Variants in ZNF484 observed in about 807,000 individuals in gnomAD.
ZNF484 encodes zinc finger protein 484.
Under a neutral mutation model 12.9 loss-of-function variants are expected in ZNF484, and 11 were observed. That is an observed-to-expected ratio of 0.85 (90% CI 0.54 to 1.41). The LOEUF is 1.41. Among genes scored for constraint, ZNF484 ranks in the 40% most tolerant of loss-of-function variants. ZNF484 has a pLI of 0.00. For missense variants in ZNF484, 807 were observed against 1,007.7 expected (o/e 0.80, Z 2.70); for synonymous variants, 289 against 334.1 (o/e 0.86, Z 1.47).
chr9:92,847,869 A>C lies in ZNF484; in HGVS notation c.918T>G (p.Thr306=). 1 of 1,614,198 alleles carries C rather than the reference A, an allele frequency of 6.2e-7. No individual in the cohort carries two copies. The highest frequency in any genetic ancestry group is 8.5e-7 in the Non-Finnish European group (1 of 1,180,032). ...GSQRVYAGIC[T]EYEKDFSLKS... ...TGAGGGAAAAATCCTTCTCATATTC[A>C]GTGCATATTCCTGCATAAACCCTCT... The change falls in exon 5 of 5, where the codon ACT becomes ACG. Residue 306 remains threonine (T), a synonymous_variant. Coordinates refer to ENST00000375495, the MANE Select transcript of ZNF484 (RefSeq NM_031486.4).
rs1855870619 is a variant in ZNF484, at chr9:92,848,785, G to A, written c.236-234C>T. Among the ~76,000 whole-genome samples, 1 of 152,012 alleles carries A rather than the reference G, an allele frequency of 6.6e-6. No homozygotes were observed. The highest frequency in any genetic ancestry group is 2.4e-5 in the African/African-American group (1 of 41,384). ...TAGCCAGGCGTGGTGGTACATGCCT[G>A]TAATTCCAGCTACTCAAGTGGCTGA... On this transcript the variant is annotated intron_variant, in intron 4 of 4. Transcript: ENST00000375495. The surrounding 1 kb of genome is among the most constrained non-coding windows in gnomAD (Gnocchi z 4.1).
Position 92,847,731 on chromosome 9 carries a change from T to C in ZNF484, c.1056A>G (p.Gly352=), listed in dbSNP as rs763100620. ...DLFRCQRIHS[G]EKPYEYSECE... ...ATTCACTGTACTCATAAGGTTTTTC[T>C]CCAGAATGAATTCTCTGGCATCTGA... The change falls in exon 5 of 5, where the codon GGA becomes GGG. Residue 352 remains glycine, a synonymous_variant. Transcript: ENST00000375495. 3.7e-6 allele frequency: 6 copies of C among 1,613,856 alleles called. No individual in the cohort carries two copies. Among genetic ancestry groups the C allele is most frequent in the Non-Finnish European group, 5.1e-6 (6 of 1,180,036 alleles).
At chr9:92,851,471 G>C (rs1432742780) in intron 4 of ZNF484, among the ~76,000 whole-genome samples, 1 of 152,198 alleles carries the variant, frequency 6.6e-6, no homozygotes, top group Non-Finnish European at 1.5e-5. Flanking sequence ...CTGCTTTGGG[G>C]CTACAACTGC....
At chr9:92,862,799 C>T (rs118025310) in intron 2 of ZNF484, among the ~76,000 whole-genome samples, 4,828 of 152,088 alleles carry the variant, frequency 0.032, 149 homozygotes, top group African/African-American at 0.082. Context: ...GAAATAGGAA[C>T]GCTTTTACAC....
intron 2 of ZNF484, among the ~76,000 whole-genome samples, chr9:92,858,022 T>C (rs935879937): frequency 6.6e-6 from 1 of 152,128 alleles, no homozygotes; most frequent in Non-Finnish European, 1.5e-5. Flanking sequence ...CTCCCAGGTA[T>C]GAGCCCTGCC....
In ZNF484 at chr9:92,847,766, A is replaced by G; in HGVS notation, c.1021T>C (p.Ser341Pro). ...ATTCTCTGGCATCTGAACAGATCTG[A>G]CTTCTGGATAAAGGCTCTTCCATAG... ...SDYGRAFIQK[S>P]DLFRCQRIHS... is the part of the protein sequence containing the mutation. Residue 341 changes from serine to proline, a missense_variant, in exon 5 of 5, where the codon TCA becomes CCA. Transcript: ENST00000375495. 2 of 1,613,940 alleles carry G rather than the reference A, an allele frequency of 1.2e-6. No individual in the cohort carries two copies. Among genetic ancestry groups the G allele is most frequent in the Non-Finnish European group, 1.7e-6 (2 of 1,180,036 alleles).
chr9:92,868,383 G>A (rs1271727837), intron 2 of ZNF484, among the ~76,000 whole-genome samples: 1 of 152,120 alleles, frequency 6.6e-6, no homozygotes, highest in African/African-American at 2.4e-5. Flanking sequence ...TTATTTTCCT[G>A]GCTTCATCAT....
At chr9:92,858,387 A>T (rs572810379) in intron 2 of ZNF484, among the ~76,000 whole-genome samples, 3 of 152,170 alleles carry the variant, frequency 2.0e-5, no homozygotes, top group Admixed American at 6.5e-5. Flanking sequence ...AATATGTGTG[A>T]CATAGTAAAA....
chr9:92,867,201 G>A (rs575530765), intron 2 of ZNF484, among the ~76,000 whole-genome samples: 11 of 152,216 alleles, frequency 7.2e-5, no homozygotes, highest in African/African-American at 1.9e-4. Flanking sequence ...AAAATTAGCC[G>A]GGCACAGTGG....
At position 92,875,064 on chromosome 9, in the gene ZNF484, GA is replaced by G; in HGVS notation, c.-30-6del. On this transcript the variant is annotated splice_region_variant and splice_polypyrimidine_tract_variant and intron_variant, in intron 1 of 4. Coordinates refer to ENST00000375495, the MANE Select transcript of ZNF484 (RefSeq NM_031486.4). ...TTCGGACAAAGGGGCAGAAATCTGAGAAAACAGATGGGTAGAGGTACCCATG... is the reference window on the plus strand; with the variant it reads ...TTCGGACAAAGGGGCAGAAATCTGAGAAACAGATGGGTAGAGGTACCCATG... The G allele has an allele frequency of 6.2e-7, 1 of 1,613,908 alleles. No homozygotes were observed. Among genetic ancestry groups the G allele is most frequent in the Non-Finnish European group, 8.5e-7 (1 of 1,179,916 alleles).
intron 4 of ZNF484, among the ~76,000 whole-genome samples, chr9:92,850,011 AG>A (rs1040710330): frequency 6.6e-6 from 1 of 152,206 alleles, no homozygotes; most frequent in African/African-American, 2.4e-5. Flanking sequence ...CATGTTGGCC[AG>A]GCTGGTCTCA....
intron 4 of ZNF484, among the ~76,000 whole-genome samples, chr9:92,852,733 C>T (rs1290723809): frequency 6.6e-6 from 1 of 151,452 alleles, no homozygotes; most frequent in African/African-American, 2.4e-5. Flanking sequence ...GATGGGGTTT[C>T]GCCATGTTGG....
chr9:92,869,385 A>C (rs959559479), intron 2 of ZNF484, among the ~76,000 whole-genome samples: 1 of 151,978 alleles, frequency 6.6e-6, no homozygotes, highest in Admixed American at 6.6e-5. Flanking sequence ...TAAAATAATC[A>C]TCATAATAAA....
chr9:92,869,040 A>G (rs968333463), intron 2 of ZNF484, among the ~76,000 whole-genome samples: 3 of 152,112 alleles, frequency 2.0e-5, no homozygotes, highest in Admixed American at 6.6e-5. Flanking sequence ...ATCAAATTTC[A>G]GCATGAGATT....
chr9:92,875,011 T>C lies in ZNF484; in HGVS notation c.15+4A>G. On this transcript the variant is annotated splice_donor_region_variant and intron_variant, in intron 2 of 4. Coordinates refer to ENST00000375495, the MANE Select transcript of ZNF484 (RefSeq NM_031486.4). ...AATAAACAGATGAACAAATAAGAAC[T>C]CACCAGGGACTTGGTCATTTTTGGC... 1 of 1,613,876 alleles carries C rather than the reference T, an allele frequency of 6.2e-7. No individual in the cohort carries two copies. Among genetic ancestry groups the C allele is most frequent in the Non-Finnish European group, 8.5e-7 (1 of 1,179,896 alleles).
intron 2 of ZNF484, among the ~76,000 whole-genome samples, chr9:92,865,279 A>T (rs1180945424): frequency 6.6e-6 from 1 of 152,152 alleles, no homozygotes; most frequent in Non-Finnish European, 1.5e-5. Flanking sequence ...GTCTCTATAA[A>T]AAATCAAAAC....
intron 2 of ZNF484, among the ~76,000 whole-genome samples, chr9:92,861,057 G>C (rs1856758301): frequency 6.6e-6 from 1 of 152,152 alleles, no homozygotes; most frequent in South Asian, 2.1e-4. Context: ...TTAGCTTCTG[G>C]GTAGCACAAA....
intron 2 of ZNF484, among the ~76,000 whole-genome samples, chr9:92,867,139 C>T (rs944179788): frequency 1.3e-5 from 2 of 152,182 alleles, no homozygotes; most frequent in East Asian, 1.9e-4. Flanking sequence ...CACCTGAGGT[C>T]GGGAGTTCGA....
chr9:92,854,489 G>A (rs763434571), intron 4 of ZNF484, among the ~76,000 whole-genome samples: 38 of 152,286 alleles, frequency 2.5e-4, no homozygotes, highest in Non-Finnish European at 4.7e-4. Context: ...AGTCCAAGGC[G>A]GGTGGATCAC....
Sources: gnomAD v4.1 joint callset for allele counts (sites outside exome capture counted in the v4.1 genomes callset) on GRCh38, gnomAD v4.1.1 for gene constraint, Gnocchi (gnomAD v3.1) non-coding constraint, MANE v1.5 for transcripts, NCBI Gene and HGNC (gene_info 2026-07-23, HGNC 2026-07-21) for gene names.